The following PATJ variants were observed in gnomAD, a reference collection of about 807,000 sequenced individuals.
The protein encoded by PATJ is inaD-like protein.
Under a neutral mutation model 224.9 loss-of-function variants are expected in PATJ, and 190 were observed. The observed-to-expected ratio is 0.84, with a 90% confidence interval of 0.75 to 0.95. The LOEUF is 0.95. Among genes scored for constraint, PATJ ranks in the 40% least tolerant of loss-of-function variants. PATJ has a pLI of 0.00. For missense variants in PATJ, 2,121 were observed against 2,270.3 expected (o/e 0.93, Z 1.34); for synonymous variants, 769 against 820.3 (o/e 0.94, Z 1.07).
intron 12 of PATJ, 110 bp from the exon 13 acceptor site, chr1:61,805,338 C>G (rs952856482): frequency 1.5e-6 from 1 of 689,586 alleles, no homozygotes; most frequent in Non-Finnish European, 2.6e-6. Context: ...ATTCATTTCC[C>G]CTTTACTTAC....
chr1:61,935,780 G>C (rs868542371), intron 27 of PATJ, among the ~76,000 whole-genome samples: 1 of 150,386 alleles, frequency 6.6e-6, no homozygotes, highest in Non-Finnish European at 1.5e-5. Context: ...AACAGAGTGA[G>C]ACCCTGTCTG....
intron 20 of PATJ, among the ~76,000 whole-genome samples, chr1:61,866,068 G>A (rs1012727700): frequency 6.6e-6 from 1 of 152,178 alleles, no homozygotes; most frequent in African/African-American, 2.4e-5. Context: ...TCTGGAAAGA[G>A]GTCACATGGA....
At chr1:61,884,805 G>A (rs970725112) in intron 22 of PATJ, among the ~76,000 whole-genome samples, 18 of 152,088 alleles carry the variant, frequency 1.2e-4, no homozygotes, top group Non-Finnish European at 2.4e-4. Flanking sequence ...TGTGTTTTTG[G>A]ACTAGGAAAC....
intron 7 of PATJ, among the ~76,000 whole-genome samples, chr1:61,776,972 G>A (rs956541823): frequency 2.0e-5 from 3 of 152,050 alleles, no homozygotes; most frequent in African/African-American, 4.8e-5. Context: ...TGATCCGCCC[G>A]CCTTAGCCTC....
chr1:61,947,793 CTCGCTACCTGACT>C (rs1281876361), intron 27 of PATJ, among the ~76,000 whole-genome samples: 1 of 152,224 alleles, frequency 6.6e-6, no homozygotes, highest in Non-Finnish European at 1.5e-5. Flanking sequence ...CTGGAGTCAT[CTCGCTACCTGACT>C]TCAAACTGTA....
intron 33 of PATJ, among the ~76,000 whole-genome samples, chr1:62,094,926 T>C (rs1436814389): frequency 6.6e-6 from 1 of 152,234 alleles, no homozygotes; most frequent in Non-Finnish European, 1.5e-5. Flanking sequence ...TAAACTAATT[T>C]ATTATTTGTG....
chr1:61,819,534 A>G (rs540295494), intron 14 of PATJ, among the ~76,000 whole-genome samples: 3 of 152,012 alleles, frequency 2.0e-5, no homozygotes, highest in Non-Finnish European at 4.4e-5. Context: ...TATGCTGAAT[A>G]TCATGTCCAA....
At chr1:61,883,485 C>T (rs1181016499) in intron 21 of PATJ, among the ~76,000 whole-genome samples, 1 of 152,082 alleles carries the variant, frequency 6.6e-6, no homozygotes, top group East Asian at 1.9e-4. Flanking sequence ...TGTGGCAGCT[C>T]ACGCCTGTAA....
At chr1:61,813,313 G>T in intron 14 of PATJ, among the ~76,000 whole-genome samples, 1 of 133,640 alleles carries the variant, frequency 7.5e-6, no homozygotes, top group African/African-American at 2.8e-5. Context: ...TGTCTTTCCT[G>T]ATCAACCTCT....
intron 43 of PATJ, among the ~76,000 whole-genome samples, chr1:62,157,854 AAT>A (rs553472885): frequency 0.25 from 13,387 of 52,930 alleles, 1,371 homozygotes; most frequent in East Asian, 0.54. Flanking sequence ...AAAAAAAAAA[AAT>A]AATCCAAGCC....
intron 30 of PATJ, among the ~76,000 whole-genome samples, chr1:62,046,185 G>C (rs1041037384): frequency 7.3e-6 from 1 of 137,588 alleles, no homozygotes; most frequent in African/African-American, 2.6e-5. Context: ...TTGGGTGACA[G>C]AGTGAGATGG....
chr1:61,822,529 G>C (rs1219723443), intron 14 of PATJ, among the ~76,000 whole-genome samples: 1 of 152,148 alleles, frequency 6.6e-6, no homozygotes, highest in East Asian at 1.9e-4. Context: ...CCAGATGGAG[G>C]CTCATGAACT....
chr1:62,127,101 G>A (rs952523353), intron 39 of PATJ, among the ~76,000 whole-genome samples: 18 of 152,010 alleles, frequency 1.2e-4, no homozygotes, highest in South Asian at 2.1e-4. Flanking sequence ...GGGAATATGC[G>A]GGCCATAGTA....
intron 28 of PATJ, 34 bp from the exon 29 acceptor site, chr1:62,017,822 T>TG: frequency 9.4e-7 from 1 of 1,062,352 alleles, no homozygotes; most frequent in Non-Finnish European, 1.5e-6. Context: ...TGTAGACATG[T>TG]ATAATTTAGT....
chr1:61,844,793 T>C (rs1183783122), intron 17 of PATJ, among the ~76,000 whole-genome samples: 2 of 152,020 alleles, frequency 1.3e-5, no homozygotes, highest in Non-Finnish European at 2.9e-5. Flanking sequence ...AATGAGTGAG[T>C]TCTCACAAGA....
intron 17 of PATJ, among the ~76,000 whole-genome samples, chr1:61,834,150 T>G (rs961912062): frequency 2.0e-5 from 3 of 152,170 alleles, no homozygotes; most frequent in Non-Finnish European, 2.9e-5. Flanking sequence ...TTTAGTATAT[T>G]CACAGAGTTG....
intron 12 of PATJ, among the ~76,000 whole-genome samples, chr1:61,802,838 TG>T (rs1652818146): frequency 6.6e-6 from 1 of 152,188 alleles, no homozygotes; most frequent in Non-Finnish European, 1.5e-5. Flanking sequence ...GAGTAACAGT[TG>T]CACACAGTTC....
At chr1:62,128,363 T>G in intron 40 of PATJ, 1 of 354,278 alleles carries the variant, frequency 2.8e-6, no homozygotes, top group Non-Finnish European at 5.1e-6. Context: ...AAGCACCTCA[T>G]TCCACCCAAA....
At chr1:61,754,518 A>ATTTTTTTTTTTTTTTTTTTTTTTTT (rs1557582039) in intron 1 of PATJ, among the ~76,000 whole-genome samples, 2 of 108,416 alleles carry the variant, frequency 1.8e-5, no homozygotes, top group Admixed American at 1.2e-4. Flanking sequence ...AATTTTTTGC[A>ATTTTTTTTTTTTTTTTTTTTTTTTT]TGTTTTTTTT....
Sources: gnomAD v4.1 joint callset for allele counts (sites outside exome capture counted in the v4.1 genomes callset) on GRCh38, gnomAD v4.1.1 for gene constraint, MANE v1.5 for transcripts, NCBI Gene and HGNC (gene_info 2026-07-23, HGNC 2026-07-21) for gene names.